The following ACTN4 variants were observed in gnomAD, a reference collection of about 807,000 sequenced individuals.
ACTN4 encodes alpha-actinin-4.
In ACTN4, 18 loss-of-function variants were observed where a neutral mutation model predicts 114.2. The ratio of observed to expected loss-of-function variants is 0.16; its 90% CI spans 0.11 to 0.23. The LOEUF (loss-of-function observed/expected upper bound fraction) is 0.23. Ranked by LOEUF, ACTN4 falls within the 10% of genes least tolerant of loss-of-function variation. The pLI is 1.00. For missense variants in ACTN4, 722 were observed against 1,262.9 expected, an observed-to-expected ratio of 0.57 and a Z score of 6.49; for synonymous variants, 515 against 506.3, an observed-to-expected ratio of 1.02 and a Z score of -0.23.
At chr19:38,662,323 C>T (rs989956915) in intron 1 of ACTN4, among the ~76,000 whole-genome samples, 1 of 152,214 alleles carries the variant, frequency 6.6e-6, no homozygotes, top group Non-Finnish European at 1.5e-5. Flanking sequence ...CAAGAAGTTA[C>T]CTTCATGGGT....
At chr19:38,719,420 C>T (rs1968960049) in intron 11 of ACTN4, among the ~76,000 whole-genome samples, 1 of 152,250 alleles carries the variant, frequency 6.6e-6, no homozygotes, top group Non-Finnish European at 1.5e-5. Flanking sequence ...CAGCTTGTGC[C>T]CTCCTCACAT....
In ACTN4 at chr19:38,729,692, T is replaced by G; in HGVS notation, c.*260T>G. 1 of 667,326 alleles carries G rather than the reference T, an allele frequency of 1.5e-6. No homozygotes were observed. Among genetic ancestry groups the G allele is most frequent in the South Asian group, 1.5e-5 (1 of 66,442 alleles). The allele number at this position is 667,326 out of a possible 1,614,324, so 41.3% of individuals were successfully genotyped here. A position where few individuals can be genotyped will look rare whatever the true frequency, so the allele number is the denominator to read the frequency against. On this transcript the variant is annotated 3_prime_UTR_variant, in exon 21 of 21. Coordinates refer to ENST00000252699, the MANE Select transcript of ACTN4 (RefSeq NM_004924.6). ...AATATGTATGATGTGTTGTGCTTTTTTAACCAAGGAGGGGCCAGTGGATTC... is the reference window on the plus strand; with the variant it reads ...AATATGTATGATGTGTTGTGCTTTTGTAACCAAGGAGGGGCCAGTGGATTC...
rs183361118 is a variant in ACTN4, at chr19:38,705,125, G to A, written c.484+105G>A. The A allele has an allele frequency of 8.2e-4, 935 of 1,140,074 alleles. 3 individuals are homozygous for A. Among genetic ancestry groups the A allele is most frequent in the Non-Finnish European group, 6.4e-4 (483 of 759,282 alleles). The allele number at this position is 1,140,074 out of a possible 1,614,324, so 70.6% of individuals were successfully genotyped here. Reference sequence around the variant, plus strand: ...TTCAAGCCTCTTCCTGTTTCCTTGGGGTCACTCACAGGGCCTGGCCCTTGC... The same window carrying A: ...TTCAAGCCTCTTCCTGTTTCCTTGGAGTCACTCACAGGGCCTGGCCCTTGC... On this transcript the variant is annotated intron_variant, in intron 4 of 20. Coordinates refer to ENST00000252699, the MANE Select transcript of ACTN4 (RefSeq NM_004924.6).
At chr19:38,647,942 C>A in intron 1 of ACTN4, 35 bp downstream of exon 1, 1 of 1,305,448 alleles carries the variant, frequency 7.7e-7, no homozygotes, top group Non-Finnish European at 9.9e-7. Flanking sequence ...GCTGGAGGGG[C>A]TTTTCTGAGG....
At position 38,724,120 on chromosome 19, in the gene ACTN4, G is replaced by C; in HGVS notation, c.1693-37G>C. On this transcript the variant is annotated intron_variant, in intron 14 of 20. Coordinates refer to ENST00000252699, the MANE Select transcript of ACTN4 (RefSeq NM_004924.6). The surrounding 1 kb of genome is among the most constrained non-coding windows in gnomAD (Gnocchi z 7.0). ...CCCCATCTTCCCAAGAGCCTCTGTG[G>C]GGCTGGGCCGCCCCCTCACTCCAGC... The C allele has an allele frequency of 6.2e-7, 1 of 1,613,640 alleles. No individual in the cohort carries two copies. The highest frequency in any genetic ancestry group is 8.5e-7 in the Non-Finnish European group (1 of 1,179,992).
Position 38,729,171 on chromosome 19 carries a change from C to G in ACTN4, c.2577+17C>G. On this transcript the variant is annotated intron_variant, in intron 20 of 20. Transcript: ENST00000252699. The stretch of plus-strand genomic sequence containing the variant: ...GGGGACAAGGTGAGCGAGACCCCTA[C>G]GAGGTGCATGGGGGCTGGCGAGAGG... 6.2e-7 allele frequency: 1 copy of G among 1,612,796 alleles called. No individual in the cohort carries two copies. Among genetic ancestry groups the G allele is most frequent in the South Asian group, 1.1e-5 (1 of 91,070 alleles).
intron 1 of ACTN4, among the ~76,000 whole-genome samples, chr19:38,689,406 A>AGGGGCTG (rs1967850000): frequency 6.6e-6 from 1 of 152,186 alleles, no homozygotes; most frequent in African/African-American, 2.4e-5. Context: ...AGTGGTTGCC[A>AGGGGCTG]GGGGCTGGGG....
chr19:38,698,773 C>T (rs1968173654), intron 1 of ACTN4, among the ~76,000 whole-genome samples: 1 of 152,208 alleles, frequency 6.6e-6, no homozygotes, highest in African/African-American at 2.4e-5. Flanking sequence ...TAGCTGTCCA[C>T]TCTTGCCCCC....
intron 1 of ACTN4, among the ~76,000 whole-genome samples, chr19:38,674,116 A>C (rs1488277040): frequency 6.6e-6 from 1 of 152,088 alleles, no homozygotes; most frequent in Non-Finnish European, 1.5e-5. Flanking sequence ...AGAGTCCTTT[A>C]AGAGGGGACA....
At chr19:38,650,244 C>T (rs1173889698) in intron 1 of ACTN4, among the ~76,000 whole-genome samples, 1 of 152,098 alleles carries the variant, frequency 6.6e-6, no homozygotes, top group Non-Finnish European at 1.5e-5. Context: ...TCTGCCACTC[C>T]TCAAGTGACT....
intron 1 of ACTN4, among the ~76,000 whole-genome samples, chr19:38,663,504 G>C (rs1433002315): frequency 2.0e-5 from 3 of 152,220 alleles, no homozygotes; most frequent in Non-Finnish European, 4.4e-5. Context: ...TGTGTCCCGG[G>C]AGAGGAAAGG....
chr19:38,668,557 G>A (rs1355386890), intron 1 of ACTN4, among the ~76,000 whole-genome samples: 3 of 152,136 alleles, frequency 2.0e-5, no homozygotes, highest in Admixed American at 6.5e-5. Flanking sequence ...ATGGTGGTGC[G>A]CGCCTGTAGT....
At position 38,729,580 on chromosome 19, in the gene ACTN4, G is replaced by C. The variant is rs925409382; in HGVS notation, c.*148G>C. On this transcript the variant is annotated 3_prime_UTR_variant, in exon 21 of 21. Transcript: ENST00000252699. ...GGTGGGCAGGGAGGGGCTGGGGCAG[G>C]CTCTCTCCTCTCTCTCTTTGTGGGT... The C allele has an allele frequency of 5.7e-6, 6 of 1,056,058 alleles. No individual in the cohort carries two copies. In the African/African-American group the frequency reaches 7.9e-5, roughly 14 times the overall value. The allele number at this position is 1,056,058 out of a possible 1,614,324, so 65.4% of individuals were successfully genotyped here.
At chr19:38,712,014 C>T (rs1968671037) in intron 8 of ACTN4, among the ~76,000 whole-genome samples, 1 of 152,238 alleles carries the variant, frequency 6.6e-6, no homozygotes, top group Admixed American at 6.5e-5. Context: ...TCTCAGGCAG[C>T]ATTCCCGATG....
chr19:38,709,692 C>G (rs1968577603), intron 7 of ACTN4, among the ~76,000 whole-genome samples: 1 of 152,170 alleles, frequency 6.6e-6, no homozygotes. Context: ...TGGCCAGATG[C>G]CTTCAGGGAT....
chr19:38,731,226 A>C lies in ACTN4; in HGVS notation c.*1794A>C, dbSNP rs1969577232. 6.2e-7 allele frequency: 1 copy of C among 1,611,716 alleles called. No homozygotes were observed. The highest frequency in any genetic ancestry group is 8.5e-7 in the Non-Finnish European group (1 of 1,179,400). ...CAGCTGGTTGTTCAGGTGGAAGCCT[A>C]GGGGGAGGCTGCTTCTGAGCCCAGT... On this transcript the variant is annotated 3_prime_UTR_variant, in exon 21 of 21. Transcript: ENST00000252699.
intron 1 of ACTN4, among the ~76,000 whole-genome samples, chr19:38,689,060 G>T (rs1967837633): frequency 6.6e-6 from 1 of 152,138 alleles, no homozygotes; most frequent in Non-Finnish European, 1.5e-5. Flanking sequence ...GGTATCATAT[G>T]ACTCAGCAAT....
At chr19:38,714,884 C>G (rs925083021) in intron 9 of ACTN4, among the ~76,000 whole-genome samples, 36 of 152,234 alleles carry the variant, frequency 2.4e-4, no homozygotes, top group African/African-American at 7.7e-4. Flanking sequence ...AGCCCCTCTT[C>G]CCGTGCCCTG....
intron 1 of ACTN4, among the ~76,000 whole-genome samples, chr19:38,691,660 T>C (rs34653447): frequency 0.01 from 1,587 of 152,066 alleles, 13 homozygotes; most frequent in Non-Finnish European, 0.018. Flanking sequence ...CCCAGCACTT[T>C]GGGAGGCTGA....
Sources: allele counts gnomAD v4.1 joint callset (sites outside exome capture counted in the v4.1 genomes callset), GRCh38; gene constraint gnomAD v4.1.1; non-coding constraint Gnocchi (gnomAD v3.1); transcripts MANE v1.5; gene names NCBI Gene and HGNC (gene_info 2026-07-23, HGNC 2026-07-21).